The following MTOR variants were observed in gnomAD, a reference collection of about 807,000 sequenced individuals.
MTOR encodes the protein serine/threonine-protein kinase mTOR.
MTOR carries 70 observed loss-of-function variants against 319.8 expected under a neutral mutation model. The observed-to-expected ratio is 0.22, with a 90% CI of 0.18 to 0.27. The LOEUF is 0.27. Ranked by LOEUF, MTOR falls within the 10% of genes least tolerant of loss-of-function variation. The pLI is 1.00. For synonymous variants in MTOR, 1,183 were observed against 1,211.4 expected, an observed-to-expected ratio of 0.98 and a Z score of 0.49; for missense variants, 1,890 against 3,274.4, an observed-to-expected ratio of 0.58 and a Z score of 10.32.
intron 53 of MTOR, 82 bp downstream of exon 53, chr1:11,114,236 T>C: frequency 6.4e-7 from 1 of 1,558,836 alleles, no homozygotes; most frequent in South Asian, 1.2e-5. Flanking sequence ...CTCAAGCAAC[T>C]CCTCTGCCTT....
chr1:11,255,579 G>A (rs1173995342), intron 5 of MTOR, among the ~76,000 whole-genome samples: 2 of 151,612 alleles, frequency 1.3e-5, no homozygotes, highest in South Asian at 2.1e-4. Flanking sequence ...GGCCAGGCGC[G>A]GTAGCTCATG....
intron 26 of MTOR, among the ~76,000 whole-genome samples, chr1:11,200,838 AC>A (rs1645941792): frequency 6.6e-6 from 1 of 151,588 alleles, no homozygotes; most frequent in East Asian, 1.9e-4. Flanking sequence ...ACATGGTGAA[AC>A]CCCGTCTCTA....
chr1:11,214,149 T>C (rs1215623723), intron 20 of MTOR, among the ~76,000 whole-genome samples: 1 of 152,236 alleles, frequency 6.6e-6, no homozygotes, highest in Non-Finnish European at 1.5e-5. Flanking sequence ...TACTTTGGTA[T>C]CACCTGATCT....
intron 28 of MTOR, chr1:11,193,705 CTTCTGGCTGGGG>C: frequency 6.2e-7 from 1 of 1,614,130 alleles, no homozygotes; most frequent in Non-Finnish European, 8.5e-7. Flanking sequence ...TCCGTGGGGA[CTTCTGGCTGGGG>C]AACGAACACA....
intron 28 of MTOR, among the ~76,000 whole-genome samples, chr1:11,190,888 C>T (rs1227411038): frequency 1.3e-5 from 2 of 152,128 alleles, no homozygotes; most frequent in South Asian, 2.1e-4. Context: ...CAATGGTTAA[C>T]CTCAGCTCAA....
rs1646907356 is a variant in MTOR, at chr1:11,228,185, A to G, written c.3030+483T>C. ...ATGCTTTTCCTCCCCCAGGCTATTC[A>G]TCTTTTAGCCATCTTTTTCTTGAGA... On this transcript the variant is annotated intron_variant, in intron 19 of 57. Coordinates refer to ENST00000361445, the MANE Select transcript of MTOR (RefSeq NM_004958.4). 2.0e-5 allele frequency among the ~76,000 whole-genome samples: 3 copies of G among 151,660 alleles called. No homozygotes were observed. In the South Asian group the frequency reaches 6.3e-4, roughly 32 times the overall value.
Position 11,240,308 on chromosome 1 carries a change from A to G in MTOR, c.1781T>C (p.Phe594Ser), listed in dbSNP as rs1647840509. ...GAGCCGTTGTAATTTCTTACCTTCA[A>G]ATTCAAAGCTGCCAAGCGTTCGGAG... The part of the protein sequence containing the change: ...LALRTLGSFE[F>S]EGHSLTQFVR... Residue 594 changes from phenylalanine (F) to serine (S), a missense_variant, in exon 11 of 58, where the codon TTT becomes TCT. Physicochemically the swap from Phe to Ser is radical, Grantham distance 155. Around this residue, in one of 15 missense-constraint regions of MTOR, gnomAD observed 418 missense variants for 543.1 expected, o/e 0.77. Transcript: ENST00000361445. 2 of 1,555,288 alleles carry G rather than the reference A, an allele frequency of 1.3e-6. No individual in the cohort carries two copies. Among genetic ancestry groups the G allele is most frequent in the South Asian group, 2.4e-5 (2 of 83,432 alleles).
At chr1:11,250,174 G>A in intron 6 of MTOR, among the ~76,000 whole-genome samples, 1 of 142,982 alleles carries the variant, frequency 7.0e-6, no homozygotes, top group Non-Finnish European at 1.6e-5. Context: ...CGGGCGGGGG[G>A]CTGACCCCCC....
rs761328178 is a variant in MTOR, at chr1:11,210,807, A to G, written c.3654+7T>C. The G allele has an allele frequency of 1.3e-6, 2 of 1,594,686 alleles. No homozygotes were observed. Among genetic ancestry groups the G allele is most frequent in the African/African-American group, 1.3e-5 (1 of 74,448 alleles). On this transcript the variant is annotated splice_region_variant and intron_variant, in intron 24 of 57. Coordinates refer to ENST00000361445, the MANE Select transcript of MTOR (RefSeq NM_004958.4). ...GGACTTCAGAACAGAAAAGAAGTAT[A>G]GTTCACCTTGACAATTCTGCAGATG...
intron 19 of MTOR, among the ~76,000 whole-genome samples, chr1:11,222,873 G>A (rs1215875569): frequency 6.6e-6 from 1 of 152,028 alleles, no homozygotes; most frequent in Non-Finnish European, 1.5e-5. Context: ...TGGGAAAAAG[G>A]CTGATAGGGA....
chr1:11,158,648 A>G (rs999898199), intron 29 of MTOR, among the ~76,000 whole-genome samples: 2 of 152,106 alleles, frequency 1.3e-5, no homozygotes, highest in African/African-American at 4.8e-5. Context: ...AACTTAGAAA[A>G]GAGTGACTAC....
intron 34 of MTOR, among the ~76,000 whole-genome samples, chr1:11,140,574 G>C (rs995197558): frequency 2.0e-5 from 3 of 152,194 alleles, no homozygotes; most frequent in African/African-American, 7.2e-5. Context: ...AGCAGTTTGA[G>C]AGATGGTATA....
chr1:11,163,666 C>T (rs1053469246), intron 29 of MTOR, among the ~76,000 whole-genome samples: 5 of 152,170 alleles, frequency 3.3e-5, no homozygotes, highest in African/African-American at 1.2e-4. Context: ...AACTGAACAA[C>T]CTGCTCCTGA....
intron 28 of MTOR, chr1:11,195,055 A>T: frequency 6.2e-7 from 1 of 1,608,328 alleles, no homozygotes; most frequent in Non-Finnish European, 8.5e-7. Context: ...GGATACAGAA[A>T]CTGAGACACG....
chr1:11,139,938 T>A (rs950726393), intron 34 of MTOR, among the ~76,000 whole-genome samples: 7 of 152,062 alleles, frequency 4.6e-5, no homozygotes, highest in African/African-American at 1.7e-4. Context: ...GATCCAACCG[T>A]CTTGGCCTCC....
chr1:11,203,202 G>A, intron 26 of MTOR, among the ~76,000 whole-genome samples: 1 of 152,030 alleles, frequency 6.6e-6, no homozygotes, highest in African/African-American at 2.4e-5. Context: ...GACAGAGCAA[G>A]ACTCCATCTC....
At chr1:11,119,573 GAAAAAA>G (rs555425607) in intron 49 of MTOR, among the ~76,000 whole-genome samples, 1 of 24,864 alleles carries the variant, frequency 4.0e-5, no homozygotes. Context: ...TCCGTCTCGA[GAAAAAA>G]AAAAAAAAAA....
intron 8 of MTOR, among the ~76,000 whole-genome samples, chr1:11,246,707 C>T (rs1050957116): frequency 6.6e-6 from 1 of 152,174 alleles, no homozygotes; most frequent in Non-Finnish European, 1.5e-5. Flanking sequence ...GTCCTGAATG[C>T]TTCACTAAGC....
At chr1:11,225,154 T>C (rs981156091) in intron 19 of MTOR, among the ~76,000 whole-genome samples, 2 of 152,162 alleles carry the variant, frequency 1.3e-5, no homozygotes, top group African/African-American at 4.8e-5. Context: ...GTAAATATAT[T>C]AAAAATCAAT....
Sources: allele counts gnomAD v4.1 joint callset (sites outside exome capture counted in the v4.1 genomes callset), GRCh38; gene constraint gnomAD v4.1.1; regional missense constraint gnomAD v4.1.1; transcripts MANE v1.5; gene names NCBI Gene and HGNC (gene_info 2026-07-23, HGNC 2026-07-21).